Variants in PRELID2 observed in about 807,000 individuals in gnomAD.
The protein encoded by PRELID2 is PRELI domain-containing protein 2.
A neutral mutation model predicts 28.4 loss-of-function variants in PRELID2; 25 were observed. The ratio of observed to expected loss-of-function variants is 0.88; its 90% CI spans 0.64 to 1.23. PRELID2 has a LOEUF of 1.23. Ranked by LOEUF, PRELID2 falls within the 50% of genes most tolerant of loss-of-function variation. PRELID2 has a pLI of 0.00. For missense variants in PRELID2, 201 were observed against 214.4 expected, an observed-to-expected ratio of 0.94 and a Z score of 0.39; for synonymous variants, 76 against 71.6, an observed-to-expected ratio of 1.06 and a Z score of -0.31.
chr5:145,336,913 G>A, the PRELID2 span, among the ~76,000 whole-genome samples: 1 of 138,856 alleles, frequency 7.2e-6, no homozygotes, highest in East Asian at 2.2e-4. Flanking sequence ...ATTGAACAAT[G>A]AGAACACATG....
chr5:145,257,421 T>A, the PRELID2 span, among the ~76,000 whole-genome samples: 1 of 148,506 alleles, frequency 6.7e-6, no homozygotes, highest in Admixed American at 6.6e-5. Flanking sequence ...ATGAATATTT[T>A]AAAATAATTT....
At chr5:145,286,832 C>A in the PRELID2 span, among the ~76,000 whole-genome samples, 1 of 151,764 alleles carries the variant, frequency 6.6e-6, no homozygotes, top group African/African-American at 2.4e-5. Context: ...AGTGATTCTC[C>A]TGCCTCAGCT....
the PRELID2 span, among the ~76,000 whole-genome samples, chr5:145,233,112 A>AT: frequency 2.4e-3 from 358 of 152,100 alleles, 3 homozygotes; most frequent in African/African-American, 8.4e-3. Context: ...ATTCTTATAT[A>AT]TTACTAATTT....
At chr5:145,737,034 A>C (rs1439762672) in intron 1 of PRELID2, among the ~76,000 whole-genome samples, 1 of 152,076 alleles carries the variant, frequency 6.6e-6, no homozygotes, top group South Asian at 2.1e-4. Flanking sequence ...AGAGAATTGA[A>C]AGAGGATACA....
intron 1 of PRELID2, among the ~76,000 whole-genome samples, chr5:145,500,723 C>T (rs116261550): frequency 2.5e-4 from 38 of 152,118 alleles, no homozygotes; most frequent in African/African-American, 7.5e-4. Flanking sequence ...AGCTTGGGCA[C>T]GAGGCATCAA....
chr5:145,462,455 C>A, the PRELID2 span, among the ~76,000 whole-genome samples: 3 of 152,178 alleles, frequency 2.0e-5, no homozygotes, highest in Admixed American at 2.0e-4. Flanking sequence ...TTAAATCAAG[C>A]AGTACAAGTC....
At chr5:145,319,144 T>C in the PRELID2 span, among the ~76,000 whole-genome samples, 4 of 152,082 alleles carry the variant, frequency 2.6e-5, no homozygotes, top group Admixed American at 2.6e-4. Flanking sequence ...AGGCAACATT[T>C]GGGTGTGAAA....
the PRELID2 span, among the ~76,000 whole-genome samples, chr5:145,370,966 T>G: frequency 6.6e-6 from 1 of 152,190 alleles, no homozygotes; most frequent in Non-Finnish European, 1.5e-5. Context: ...ACATTGATTT[T>G]GAATCTTCAG....
the PRELID2 span, among the ~76,000 whole-genome samples, chr5:145,298,667 G>C: frequency 2.0e-5 from 3 of 152,034 alleles, no homozygotes; most frequent in African/African-American, 7.2e-5. Flanking sequence ...ACAAATGCCG[G>C]TACGTGTCAA....
the PRELID2 span, among the ~76,000 whole-genome samples, chr5:145,414,519 C>G: frequency 6.6e-6 from 1 of 152,146 alleles, no homozygotes; most frequent in South Asian, 2.1e-4. Context: ...AGACAGAACA[C>G]TTTTCTTTCT....
intron 1 of PRELID2, among the ~76,000 whole-genome samples, chr5:145,631,642 C>T (rs1164295239): frequency 1.3e-5 from 2 of 152,146 alleles, no homozygotes; most frequent in African/African-American, 4.8e-5. Flanking sequence ...TCTGGATCCT[C>T]AGCATCCAGA....
chr5:145,335,313 T>C, the PRELID2 span, among the ~76,000 whole-genome samples: 1 of 152,020 alleles, frequency 6.6e-6, no homozygotes, highest in Non-Finnish European at 1.5e-5. Flanking sequence ...GTTTAGTCCT[T>C]TTTAATCATT....
intron 1 of PRELID2, among the ~76,000 whole-genome samples, chr5:145,497,299 T>C (rs1182237463): frequency 6.6e-6 from 1 of 152,202 alleles, no homozygotes; most frequent in Non-Finnish European, 1.5e-5. Context: ...ATAAATCAGA[T>C]ATGACTTTCC....
chr5:145,488,047 C>T (rs1752233519), intron 1 of PRELID2, among the ~76,000 whole-genome samples: 1 of 144,868 alleles, frequency 6.9e-6, no homozygotes, highest in South Asian at 2.3e-4. Context: ...TCGCTTGAAC[C>T]CGGGAGGGAG....
chr5:145,394,919 G>A, the PRELID2 span, among the ~76,000 whole-genome samples: 1 of 151,986 alleles, frequency 6.6e-6, no homozygotes, highest in Non-Finnish European at 1.5e-5. Flanking sequence ...TAATCTCTTA[G>A]GGCCTCTCTG....
At chr5:145,721,643 C>G (rs1021421327) in intron 1 of PRELID2, among the ~76,000 whole-genome samples, 1 of 152,114 alleles carries the variant, frequency 6.6e-6, no homozygotes, top group Non-Finnish European at 1.5e-5. Context: ...CTTAACTCAT[C>G]TTCTAAAATA....
At chr5:145,420,426 T>C in the PRELID2 span, among the ~76,000 whole-genome samples, 2 of 150,918 alleles carry the variant, frequency 1.3e-5, no homozygotes, top group South Asian at 4.2e-4. Flanking sequence ...GGTTTGTAGT[T>C]CTCCTTGAAG....
At chr5:145,355,366 T>A in the PRELID2 span, among the ~76,000 whole-genome samples, 84 of 152,262 alleles carry the variant, frequency 5.5e-4, no homozygotes, top group African/African-American at 1.9e-3. Context: ...TATTCAAAAG[T>A]ATTTTTTAAG....
At chr5:145,594,859 G>A (rs990026308) in intron 1 of PRELID2, among the ~76,000 whole-genome samples, 1 of 152,114 alleles carries the variant, frequency 6.6e-6, no homozygotes, top group Non-Finnish European at 1.5e-5. Context: ...AGGCACGGTG[G>A]CTCACGCCTA....
Sources: gnomAD v4.1 joint callset for allele counts (sites outside exome capture counted in the v4.1 genomes callset) on GRCh38, gnomAD v4.1.1 for gene constraint, MANE v1.5 for transcripts, NCBI Gene and HGNC (gene_info 2026-07-23, HGNC 2026-07-21) for gene names.